Variants in ZBTB24 observed in about 807,000 individuals in gnomAD.
ZBTB24 encodes the protein zinc finger and BTB domain-containing protein 24.
In ZBTB24, 32 loss-of-function variants were observed where a neutral mutation model predicts 53.8. The ratio of observed to expected loss-of-function variants is 0.60; its 90% confidence interval spans 0.45 to 0.80. The LOEUF is 0.80. Ranked by LOEUF, ZBTB24 falls within the 30% of genes least tolerant of loss-of-function variation. The probability of loss-of-function intolerance (pLI) is 0.00; values close to 1 mark genes in which losing one functional copy is unlikely to be tolerated. For missense variants in ZBTB24, 722 were observed against 837.1 expected (o/e 0.86, Z 1.70); for synonymous variants, 297 against 306.7 (o/e 0.97, Z 0.33).
chr6:109,475,230 C>T (rs891382179), intron 5 of ZBTB24, among the ~76,000 whole-genome samples, 169 bp downstream of exon 5: 1 of 152,118 alleles, frequency 6.6e-6, no homozygotes, highest in Non-Finnish European at 1.5e-5. Context: ...AAAGACAGTG[C>T]TGACAACATT....
At chr6:109,482,076 TA>T (rs1562305391) in intron 1 of ZBTB24, 22 bp from the exon 2 acceptor site, 1 of 1,552,972 alleles carries the variant, frequency 6.4e-7, no homozygotes, top group South Asian at 1.1e-5. Flanking sequence ...AAACAAGGTT[TA>T]AAAAGGAGAA....
Position 109,465,708 on chromosome 6 carries a change from T to C in ZBTB24, c.*143A>G. ...CATCTTGCTACCTGGATGGAGGGCA[T>C]TATAAACATCAGTTAGCCATCACAG... is the stretch of plus-strand genomic sequence containing the variant. On this transcript the variant is annotated 3_prime_UTR_variant, in exon 7 of 7. Coordinates refer to ENST00000230122, the MANE Select transcript of ZBTB24 (RefSeq NM_014797.3). 1 of 1,605,916 alleles carries C rather than the reference T, an allele frequency of 6.2e-7. No individual in the cohort carries two copies. Among genetic ancestry groups the C allele is most frequent in the Non-Finnish European group, 8.5e-7 (1 of 1,179,504 alleles).
In ZBTB24 at chr6:109,467,711, T is replaced by G. The variant is rs765885114; in HGVS notation, c.1312A>C (p.Ile438Leu). ...TTTGCTGTGAAAGATTTGCCACAGA[T>G]TTCACAAGTAAATGGCTTCTCACCT... ...HTGEKPFTCE[I>L]CGKSFTAKSS... Residue 438 changes from isoleucine (I) to leucine (L), a missense_variant, in exon 6 of 7, where the codon ATC (isoleucine) becomes CTC (leucine). Coordinates refer to ENST00000230122, the MANE Select transcript of ZBTB24 (RefSeq NM_014797.3). The G allele has an allele frequency of 6.2e-7, 1 of 1,613,962 alleles. No individual in the cohort carries two copies.
In ZBTB24 at chr6:109,466,590, C is replaced by T; in HGVS notation, c.1371-16G>A. 6.2e-7 allele frequency: 1 copy of T among 1,605,312 alleles called. No individual in the cohort carries two copies. Among genetic ancestry groups the T allele is most frequent in the African/African-American group, 1.3e-5 (1 of 75,024 alleles). ...CTTTTCTCCTCTGTAAGAAAATAAA[C>T]ATTTTATTTTTAAAATGGAAATACC... On this transcript the variant is annotated splice_polypyrimidine_tract_variant and intron_variant, in intron 6 of 6. Transcript: ENST00000230122.
chr6:109,471,920 G>C (rs1220720228), intron 5 of ZBTB24, among the ~76,000 whole-genome samples: 2 of 152,150 alleles, frequency 1.3e-5, no homozygotes, highest in African/African-American at 2.4e-5. Context: ...CTGCTTGTCT[G>C]CCTGACACTT....
rs770882341 is a variant in ZBTB24 at position 109,465,606 on chromosome 6, T to C, written c.*245A>G. The C allele has an allele frequency of 1.6e-4, 246 of 1,515,088 alleles. 1 individual carries two copies. The Middle Eastern group carries it at 3.3e-3, about 20-fold the overall frequency. The allele number at this position is 1,515,088 out of a possible 1,614,324, so 93.9% of individuals were successfully genotyped here. ...AAACTACCCGAGTCTTTATGAGACA[T>C]TGCAGATTAAAATGAAAACCATTCA... is the stretch of plus-strand genomic sequence containing the variant. On this transcript the variant is annotated 3_prime_UTR_variant, in exon 7 of 7. Coordinates refer to ENST00000230122, the MANE Select transcript of ZBTB24 (RefSeq NM_014797.3).
intron 5 of ZBTB24, among the ~76,000 whole-genome samples, chr6:109,472,049 G>C (rs2115357927): frequency 6.6e-6 from 1 of 152,276 alleles, no homozygotes; most frequent in East Asian, 1.9e-4. Context: ...AACCCAGAGA[G>C]TTTGTGCCTA....
Position 109,466,204 on chromosome 6 carries a change from A to G in ZBTB24, c.1741T>C (p.Ser581Pro), listed in dbSNP as rs1302409911. ...QGISIVTAES[S>P]QNMTADQAAN... ...GCCTGGTCTGCAGTCATGTTTTGGG[A>G]ACTCTCTGCAGTCACAATGCTGATT... The change falls in exon 7 of 7, where the codon TCC becomes CCC. Residue 581 changes from serine (S) to proline (P), a missense_variant. Ser to Pro is a moderately conservative substitution (Grantham distance 74). Transcript: ENST00000230122. The G allele has an allele frequency of 6.2e-7, 1 of 1,614,078 alleles. No individual in the cohort carries two copies. The highest frequency in any genetic ancestry group is 8.5e-7 in the Non-Finnish European group (1 of 1,180,042).
chr6:109,481,982 G>C lies in ZBTB24; in HGVS notation c.45C>G (p.His15Gln). 1.2e-6 allele frequency: 2 copies of C among 1,614,214 alleles called. No individual in the cohort carries two copies. The highest frequency in any genetic ancestry group is 1.1e-5 in the South Asian group (1 of 91,078). ...GCACAGTGTCACTGTGAGCGTCTGA[G>C]TGTACAACAAGCTGCCCAGAAGGCT... ...SPEPSGQLVV[H>Q]SDAHSDTVLA... Residue 15 changes from histidine (H) to glutamine (Q), a missense_variant, in exon 2 of 7, where the codon CAC becomes CAG. His to Gln is a conservative substitution (Grantham distance 24). Transcript: ENST00000230122.
In ZBTB24 at chr6:109,476,836, C is replaced by T. The variant is rs374643301; in HGVS notation, c.1047G>A (p.Pro349=). 115 of 1,614,078 alleles carry T rather than the reference C, an allele frequency of 7.1e-5. No individual in the cohort carries two copies. The highest frequency in any genetic ancestry group is 1.8e-4 in the Admixed American group (11 of 60,018). Residue 349 remains proline, a synonymous_variant, in exon 3 of 7, where the codon CCG becomes CCA. Transcript: ENST00000230122. The stretch of plus-strand genomic sequence containing the variant: ...CCTTGCTGCACACGGTGCAGGTGTA[C>T]GGCCGCTCGCCTGTGTGCATCCTGG... ...VHTRMHTGER[P]YTCTVCSKAL...
intron 5 of ZBTB24, among the ~76,000 whole-genome samples, chr6:109,471,911 T>C (rs1442458768): frequency 1.3e-5 from 2 of 152,204 alleles, no homozygotes. Context: ...TGGCAGGTAC[T>C]GCTTGTCTGC....
intron 6 of ZBTB24, 156 bp downstream of exon 6, chr6:109,467,497 A>G (rs2115354443): frequency 1.0e-6 from 1 of 971,550 alleles, no homozygotes; most frequent in East Asian, 1.1e-4. Flanking sequence ...CCCTGTCTCA[A>G]AACAAACAAA....
rs369580453 is a variant in ZBTB24 at position 109,481,578 on chromosome 6, A to G, written c.449T>C (p.Ile150Thr). The G allele has an allele frequency of 1.3e-5, 21 of 1,614,036 alleles. No individual in the cohort carries two copies. Among genetic ancestry groups the G allele is most frequent in the East Asian group, 2.2e-5 (1 of 44,894 alleles). The change falls in exon 2 of 7, where the codon ATC becomes ACC. Residue 150 changes from isoleucine to threonine, a missense_variant. Ile to Thr is a moderately conservative substitution (Grantham distance 89). Coordinates refer to ENST00000230122, the MANE Select transcript of ZBTB24 (RefSeq NM_014797.3). The stretch of plus-strand genomic sequence containing the variant: ...TGGAGGATCGTTTTTCTTATTAGAG[A>G]TAACAACCACTGGGGCACCAGCAGT... ...LNTAGAPVVV[I>T]SNKKNDPPKR...
chr6:109,478,392 T>C (rs1776323905), intron 2 of ZBTB24, among the ~76,000 whole-genome samples: 1 of 152,220 alleles, frequency 6.6e-6, no homozygotes, highest in Non-Finnish European at 1.5e-5. Flanking sequence ...CTGGCGATAA[T>C]TTCCAGGCCT....
chr6:109,480,836 A>C, intron 2 of ZBTB24: 2 of 690,364 alleles, frequency 2.9e-6, no homozygotes, highest in Non-Finnish European at 3.6e-6. Flanking sequence ...TTCATCTGTA[A>C]ACTATGCACT....
chr6:109,472,775 C>T (rs531137588), intron 5 of ZBTB24, among the ~76,000 whole-genome samples: 7 of 152,362 alleles, frequency 4.6e-5, no homozygotes, highest in African/African-American at 1.7e-4. Flanking sequence ...AACTCCTGAT[C>T]TGTTCTTCTT....
At chr6:109,467,627 C>T (rs374795834) in intron 6 of ZBTB24, 26 bp downstream of exon 6, 19 of 1,613,822 alleles carry the variant, frequency 1.2e-5, no homozygotes, top group East Asian at 4.5e-5. Context: ...GGCCTCCATG[C>T]GAGAAAAATA....
At chr6:109,473,674 T>G (rs947104449) in intron 5 of ZBTB24, among the ~76,000 whole-genome samples, 1 of 152,254 alleles carries the variant, frequency 6.6e-6, no homozygotes, top group African/African-American at 2.4e-5. Context: ...CATTCACTGC[T>G]GTATCCTCAA....
At chr6:109,476,038 C>T in intron 4 of ZBTB24, 137 bp downstream of exon 4, 1 of 871,528 alleles carries the variant, frequency 1.1e-6, no homozygotes, top group Non-Finnish European at 1.8e-6. Context: ...GTAATTTAGA[C>T]TCTTAAGGCA....
Sources: allele counts gnomAD v4.1 joint callset (sites outside exome capture counted in the v4.1 genomes callset), GRCh38; gene constraint gnomAD v4.1.1; transcripts MANE v1.5; gene names NCBI Gene and HGNC (gene_info 2026-07-23, HGNC 2026-07-21).